Variants in PRSS23 observed in about 807,000 individuals in gnomAD.
The protein encoded by PRSS23 is serine protease 23.
In PRSS23, 25 loss-of-function variants were observed where a neutral mutation model predicts 34.7. That is an observed-to-expected ratio of 0.72 (90% CI 0.53 to 1.01). PRSS23 has a LOEUF of 1.01. Among genes scored for constraint, PRSS23 ranks in the 50% least tolerant of loss-of-function variants. The pLI, the probability that PRSS23 is intolerant of heterozygous loss-of-function variation, is 0.00. For synonymous variants in PRSS23, 176 were observed against 186.6 expected (o/e 0.94, Z 0.46); for missense variants, 445 against 475.6 (o/e 0.94, Z 0.60).
In PRSS23 at chr11:86,888,900, C is replaced by G. The variant is rs750844354; in HGVS notation, c.207-62316C>G. Among the ~76,000 whole-genome samples the G allele has an allele frequency of 2.0e-5, 3 of 152,310 alleles. No individual in the cohort carries two copies. The South Asian group carries it at 6.2e-4, about 32-fold the overall frequency. ...CGCTGCCTAGCAGATGGCAAGTTTG[C>G]CCCTGGGAACTTGCTGCCGGGGTGA... On this transcript the variant is annotated intron_variant, in intron 2 of 2. Coordinates refer to the PRSS23 transcript ENST00000533902.
chr11:86,825,598 G>T (rs1393492175), intron 2 of PRSS23, among the ~76,000 whole-genome samples: 1 of 150,488 alleles, frequency 6.6e-6, no homozygotes, highest in African/African-American at 2.4e-5. Flanking sequence ...TTCTTCTAGG[G>T]TTTTTATGGT....
chr11:86,859,120 A>G (rs1035579328), intron 2 of PRSS23, among the ~76,000 whole-genome samples: 3 of 151,994 alleles, frequency 2.0e-5, no homozygotes, highest in Admixed American at 1.3e-4. Flanking sequence ...CCTAATATCC[A>G]AGGGGGAAGA....
intron 2 of PRSS23, among the ~76,000 whole-genome samples, chr11:86,836,386 A>T (rs183407268): frequency 8.5e-4 from 130 of 152,114 alleles, no homozygotes; most frequent in African/African-American, 2.9e-3. Context: ...CTTGAACAGG[A>T]TGGGTATTCT....
chr11:86,890,196 G>A (rs1338047469), intron 2 of PRSS23, among the ~76,000 whole-genome samples: 1 of 152,054 alleles, frequency 6.6e-6, no homozygotes, highest in African/African-American at 2.4e-5. Flanking sequence ...TTTGAACCTG[G>A]GAGGCGGACA....
chr11:86,815,426 AAAT>A (rs1948208433), downstream of PRSS23, among the ~76,000 whole-genome samples: 1 of 152,214 alleles, frequency 6.6e-6, no homozygotes, highest in African/African-American at 2.4e-5. Context: ...GGTTCTCAAT[AAAT>A]AATGTTATTC....
At chr11:86,807,029 A>G (rs67761566) in intron 1 of PRSS23, among the ~76,000 whole-genome samples, 15,002 of 152,208 alleles carry the variant, frequency 0.099, 891 homozygotes, top group Non-Finnish European at 0.12. Flanking sequence ...AAACAAAACA[A>G]AAAATCTCAT....
downstream of PRSS23, among the ~76,000 whole-genome samples, chr11:86,814,110 G>A (rs112925430): frequency 7.3e-4 from 111 of 152,278 alleles, 1 homozygote; most frequent in Middle Eastern, 6.8e-3. Flanking sequence ...AATGAAAACC[G>A]AGAATTCCTG....
At chr11:86,821,728 A>C in intron 1 of PRSS23, 3 of 1,399,888 alleles carry the variant, frequency 2.1e-6, no homozygotes, top group Non-Finnish European at 3.0e-6. Context: ...TGTACTGTCT[A>C]TTTCTTCAAA....
At chr11:86,947,696 A>G (rs1440165529) in intron 2 of PRSS23, 1 of 152,254 alleles carries the variant, frequency 6.6e-6, no homozygotes, top group Non-Finnish European at 1.5e-5. Context: ...AGGAAAGAGG[A>G]TATGAATCAA....
intron 2 of PRSS23, among the ~76,000 whole-genome samples, chr11:86,869,545 A>G (rs899947389): frequency 1.3e-5 from 2 of 152,176 alleles, no homozygotes; most frequent in African/African-American, 4.8e-5. Context: ...CATTGTTCCC[A>G]GGGCACCAAC....
intron 2 of PRSS23, among the ~76,000 whole-genome samples, chr11:86,843,992 T>C (rs940611889): frequency 6.6e-6 from 1 of 152,206 alleles, no homozygotes; most frequent in Admixed American, 6.5e-5. Context: ...CTATTCACAA[T>C]ACCAAAGACT....
At chr11:86,901,056 A>G (rs1948908876) in intron 2 of PRSS23, among the ~76,000 whole-genome samples, 1 of 151,976 alleles carries the variant, frequency 6.6e-6, no homozygotes, top group Admixed American at 6.6e-5. Flanking sequence ...AAGTGCTGGG[A>G]TTACAGGCAT....
intron 2 of PRSS23, chr11:86,946,866 T>C (rs1949247456): frequency 6.6e-6 from 1 of 152,218 alleles, no homozygotes; most frequent in African/African-American, 2.4e-5. Flanking sequence ...CTCTCTCCAG[T>C]GTCCTCCATC....
downstream of PRSS23, among the ~76,000 whole-genome samples, chr11:86,816,219 T>A: frequency 6.6e-6 from 1 of 152,168 alleles, no homozygotes; most frequent in East Asian, 1.9e-4. Context: ...AATTAGTCAA[T>A]CATTCAGTTA....
intron 2 of PRSS23, among the ~76,000 whole-genome samples, chr11:86,879,156 G>A (rs186805502): frequency 0.042 from 6,067 of 145,894 alleles, 224 homozygotes; most frequent in Non-Finnish European, 0.062. Context: ...CTTCCCGGCC[G>A]CCATCCCATC....
chr11:86,835,004 G>T (rs1198654962), intron 2 of PRSS23, among the ~76,000 whole-genome samples: 1 of 152,138 alleles, frequency 6.6e-6, no homozygotes, highest in African/African-American at 2.4e-5. Flanking sequence ...ACCTCTAAAT[G>T]GTCCCCTCAA....
At position 86,860,927 on chromosome 11, in the gene PRSS23, G is replaced by C. The variant is rs189375594; in HGVS notation, c.206+37334G>C. ...GTGATATTGTTCTTAATATCCGTGG[G>C]GTGAGTATGATATTACTCCCAATAT... On this transcript the variant is annotated intron_variant, in intron 2 of 2. Transcript: ENST00000533902. Among the ~76,000 whole-genome samples, 297 of 151,908 alleles carry C rather than the reference G, an allele frequency of 2.0e-3. 3 individuals are homozygous for C. Among genetic ancestry groups the C allele is most frequent in the Non-Finnish European group, 1.6e-3 (112 of 67,918 alleles).
intron 2 of PRSS23, among the ~76,000 whole-genome samples, chr11:86,894,271 A>G (rs907517244): frequency 6.6e-6 from 1 of 152,180 alleles, no homozygotes; most frequent in Non-Finnish European, 1.5e-5. Flanking sequence ...TGGCCTCTCA[A>G]AGTGCTGAGA....
chr11:86,852,183 T>C (rs1254577525), intron 2 of PRSS23, among the ~76,000 whole-genome samples: 2 of 151,854 alleles, frequency 1.3e-5, no homozygotes, highest in African/African-American at 4.8e-5. Context: ...AGTCTCAGAG[T>C]CCGTCCTCAA....
Sources: gnomAD v4.1 joint callset for allele counts (sites outside exome capture counted in the v4.1 genomes callset) on GRCh38, gnomAD v4.1.1 for gene constraint, MANE v1.5 for transcripts, NCBI Gene and HGNC (gene_info 2026-07-23, HGNC 2026-07-21) for gene names.